Variants in UBE2D3 observed in about 807,000 individuals in gnomAD.
UBE2D3 encodes ubiquitin-conjugating enzyme E2 D3.
A neutral mutation model predicts 22.8 loss-of-function variants in UBE2D3; 2 were observed. The observed-to-expected ratio is 0.09, with a 90% CI of 0.04 to 0.28. The LOEUF is 0.28. Ranked by LOEUF, UBE2D3 falls within the 10% of genes least tolerant of loss-of-function variation. The probability of loss-of-function intolerance (pLI) is 1.00; values close to 1 mark genes in which losing one functional copy is unlikely to be tolerated. For synonymous variants in UBE2D3, 56 were observed against 60.4 expected (o/e 0.93, Z 0.34); for missense variants, 27 against 182.5 (o/e 0.15, Z 4.91).
intron 1 of UBE2D3, among the ~76,000 whole-genome samples, chr4:102,868,130 T>C (rs1028429608): frequency 7.0e-6 from 1 of 143,464 alleles, no homozygotes; most frequent in African/African-American, 2.7e-5. Flanking sequence ...TAGAGTGCAG[T>C]GGCACATTCT....
intron 2 of UBE2D3, among the ~76,000 whole-genome samples, chr4:102,815,301 A>G (rs1213760541): frequency 6.6e-6 from 1 of 152,148 alleles, no homozygotes; most frequent in Admixed American, 6.5e-5. Flanking sequence ...TGGCCTCCCA[A>G]AGTGCTGGGA....
At chr4:102,841,612 C>T (rs1731760526) in intron 1 of UBE2D3, among the ~76,000 whole-genome samples, 1 of 152,094 alleles carries the variant, frequency 6.6e-6, no homozygotes, top group Non-Finnish European at 1.5e-5. Flanking sequence ...AAAAGATTTT[C>T]ATCATTATGT....
At chr4:102,862,517 AT>A in intron 1 of UBE2D3, among the ~76,000 whole-genome samples, 1 of 152,132 alleles carries the variant, frequency 6.6e-6, no homozygotes, top group Non-Finnish European at 1.5e-5. Context: ...TGGGTTTCTT[AT>A]ACCTTGATCA....
chr4:102,861,237 C>T (rs1732886666), intron 1 of UBE2D3, among the ~76,000 whole-genome samples: 1 of 151,672 alleles, frequency 6.6e-6, no homozygotes, highest in Non-Finnish European at 1.5e-5. Context: ...TTTTTCTTAC[C>T]CTCTTCAATG....
rs1184070878 is a variant in UBE2D3, at chr4:102,827,430, G to C, written c.-132C>G. Reference sequence around the variant, plus strand: ...AGCCGTCCACACCCACGCGTACAGAGGGGCCGGGGCCTCCCTCAAGCTGCG... The same window carrying C: ...AGCCGTCCACACCCACGCGTACAGACGGGCCGGGGCCTCCCTCAAGCTGCG... On this transcript the variant is annotated 5_prime_UTR_variant, in exon 1 of 8. Transcript: ENST00000453744. 1.0e-6 allele frequency: 1 copy of C among 986,096 alleles called. No individual in the cohort carries two copies. 61.1% of individuals were successfully genotyped at this position (986,096 alleles called of 1,614,324 possible). A position where few individuals can be genotyped will look rare whatever the true frequency, so the allele number is the denominator to read the frequency against.
Position 102,797,234 on chromosome 4 carries a change from G to A in UBE2D3, c.*181C>T. On this transcript the variant is annotated 3_prime_UTR_variant, in exon 8 of 8. Transcript: ENST00000453744. ...TTTCTAAAAGCAGTTATTGTCCAAAGCTGGAAGAACTTAAGTCTTCTCAGA... is the reference window on the plus strand; with the variant it reads ...TTTCTAAAAGCAGTTATTGTCCAAAACTGGAAGAACTTAAGTCTTCTCAGA... The A allele has an allele frequency of 2.0e-6, 1 of 496,670 alleles. No homozygotes were observed. The highest frequency in any genetic ancestry group is 2.0e-5 in the African/African-American group (1 of 50,742). 30.8% of individuals were successfully genotyped at this position (496,670 alleles called of 1,614,324 possible).
intron 2 of UBE2D3, chr4:102,825,331 A>G (rs1357512843): frequency 1.0e-6 from 1 of 993,584 alleles, no homozygotes; most frequent in Non-Finnish European, 1.2e-6. Flanking sequence ...CGATTGTGCA[A>G]CAACCAAACA....
intron 1 of UBE2D3, among the ~76,000 whole-genome samples, chr4:102,838,346 T>G (rs1731538505): frequency 6.6e-6 from 1 of 152,212 alleles, no homozygotes; most frequent in Non-Finnish European, 1.5e-5. Context: ...TTCCCAGCTC[T>G]GTGTTCAGTG....
Position 102,799,387 on chromosome 4 carries a change from TA to T in UBE2D3, c.398+19del, listed in dbSNP as rs1251180381. On this transcript the variant is annotated intron_variant, in intron 7 of 7. Transcript: ENST00000453744. Reference sequence around the variant, plus strand: ...TCATTAAGTAAAACCACTTTTATAATAACTTTTTAACATACTTACTTATCTC... The same window carrying T: ...TCATTAAGTAAAACCACTTTTATAATACTTTTTAACATACTTACTTATCTC... 1 of 1,600,858 alleles carries T rather than the reference TA, an allele frequency of 6.2e-7. No individual in the cohort carries two copies. Among genetic ancestry groups the T allele is most frequent in the African/African-American group, 1.3e-5 (1 of 74,420 alleles).
intron 2 of UBE2D3, among the ~76,000 whole-genome samples, chr4:102,818,189 G>A (rs565166415): frequency 1.8e-4 from 27 of 152,302 alleles, no homozygotes; most frequent in Admixed American, 1.1e-3. Context: ...TTCCACTCAC[G>A]TTGAAGGGAC....
At chr4:102,821,451 G>A (rs2110319139) in intron 2 of UBE2D3, among the ~76,000 whole-genome samples, 1 of 152,154 alleles carries the variant, frequency 6.6e-6, no homozygotes, top group Non-Finnish European at 1.5e-5. Flanking sequence ...TATTCCCTGG[G>A]ACTAGAATAC....
chr4:102,811,482 G>T (rs1316495852), intron 2 of UBE2D3: 1 of 180,500 alleles, frequency 5.5e-6, no homozygotes, highest in South Asian at 9.0e-5. Flanking sequence ...AGGAGTTCAA[G>T]ACCAGTGCTG....
In UBE2D3 at chr4:102,799,564, A is replaced by G. The variant is rs1187864244; in HGVS notation, c.305-64T>C. Reference sequence around the variant, plus strand: ...AGTTTGGATAAATAAATTTTTCTAAACCGTGTATTACAAAACTCAATCCTC... The same window carrying G: ...AGTTTGGATAAATAAATTTTTCTAAGCCGTGTATTACAAAACTCAATCCTC... On this transcript the variant is annotated intron_variant, in intron 6 of 7. Coordinates refer to ENST00000453744, the MANE Select transcript of UBE2D3 (RefSeq NM_181891.3). 68 of 1,260,074 alleles carry G rather than the reference A, an allele frequency of 5.4e-5. No homozygotes were observed. The East Asian group carries it at 1.5e-3, about 29-fold the overall frequency. The allele number at this position is 1,260,074 out of a possible 1,614,324, so 78.1% of individuals were successfully genotyped here.
At chr4:102,801,606 C>G in intron 5 of UBE2D3, 47 bp from the exon 6 acceptor site, 2 of 1,424,138 alleles carry the variant, frequency 1.4e-6, no homozygotes, top group Non-Finnish European at 1.9e-6. Flanking sequence ...AAACAAACAT[C>G]TTTTAAAGCA....
At chr4:102,829,712 T>G (rs1433193544), upstream of UBE2D3, among the ~76,000 whole-genome samples, 1 of 151,784 alleles carries the variant, frequency 6.6e-6, no homozygotes, top group Non-Finnish European at 1.5e-5. Flanking sequence ...CTGAGACGGG[T>G]GGATCATATG....
chr4:102,857,775 C>G (rs1468578551), intron 1 of UBE2D3, among the ~76,000 whole-genome samples: 1 of 152,136 alleles, frequency 6.6e-6, no homozygotes, highest in Non-Finnish European at 1.5e-5. Flanking sequence ...CTTATTACAA[C>G]CTCTGCCTCC....
upstream of UBE2D3, chr4:102,828,056 C>T (rs967724544): frequency 1.0e-6 from 1 of 985,446 alleles, no homozygotes; most frequent in Non-Finnish European, 1.2e-6. Flanking sequence ...GGTTCCGCCT[C>T]CAAAATGCAT....
At chr4:102,825,411 C>T in intron 2 of UBE2D3, 2 of 1,042,674 alleles carry the variant, frequency 1.9e-6, no homozygotes, top group Middle Eastern at 4.7e-4. Flanking sequence ...AAGTTTTGAG[C>T]AGAGGATCTT....
intron 2 of UBE2D3, among the ~76,000 whole-genome samples, chr4:102,815,481 G>GTAT (rs1553962607): frequency 6.6e-6 from 1 of 152,092 alleles, no homozygotes; most frequent in Non-Finnish European, 1.5e-5. Context: ...AGTTGACCTA[G>GTAT]AATATAAACA....
Sources: allele counts gnomAD v4.1 joint callset (sites outside exome capture counted in the v4.1 genomes callset), GRCh38; gene constraint gnomAD v4.1.1; transcripts MANE v1.5; gene names NCBI Gene and HGNC (gene_info 2026-07-23, HGNC 2026-07-21).